The following MORC1 variants were observed in gnomAD, a reference collection of about 807,000 sequenced individuals.
MORC1 encodes MORC family CW-type zinc finger protein 1.
MORC1 carries 59 observed loss-of-function variants against 134.9 expected under a neutral mutation model. That is an observed-to-expected ratio of 0.44 (90% CI 0.35 to 0.54). The LOEUF is 0.54. Among genes scored for constraint, MORC1 ranks in the 20% least tolerant of loss-of-function variants. The pLI is 0.00. For synonymous variants in MORC1, 395 were observed against 391.7 expected (o/e 1.01, Z -0.10); for missense variants, 947 against 1,134.5 (o/e 0.83, Z 2.37).
At chr3:108,987,313 C>T (rs762010094) in intron 21 of MORC1, among the ~76,000 whole-genome samples, 4 of 152,180 alleles carry the variant, frequency 2.6e-5, no homozygotes, top group South Asian at 2.1e-4. Context: ...GAGCCTCTAT[C>T]GTTTTGAGGA....
At chr3:108,965,906 G>A in intron 26 of MORC1, among the ~76,000 whole-genome samples, 1 of 152,118 alleles carries the variant, frequency 6.6e-6, no homozygotes, top group East Asian at 1.9e-4. Flanking sequence ...TTCAGTCTCT[G>A]AAAGTTTACC....
intron 21 of MORC1, among the ~76,000 whole-genome samples, chr3:108,994,094 G>GTAAA (rs1576607927): frequency 6.6e-6 from 1 of 152,074 alleles, no homozygotes; most frequent in African/African-American, 2.4e-5. Flanking sequence ...GGTACAACTG[G>GTAAA]TAAATGACTT....
At chr3:109,066,770 C>T (rs1182556235) in intron 9 of MORC1, among the ~76,000 whole-genome samples, 1 of 152,156 alleles carries the variant, frequency 6.6e-6, no homozygotes, top group Non-Finnish European at 1.5e-5. Flanking sequence ...TTTTAGCCCT[C>T]ATAATAACCT....
intron 8 of MORC1, among the ~76,000 whole-genome samples, chr3:109,084,936 A>G (rs1053057554): frequency 2.0e-5 from 3 of 152,134 alleles, no homozygotes; most frequent in African/African-American, 7.2e-5. Context: ...GGAAAATTGA[A>G]TATACATATG....
At chr3:108,981,864 A>G (rs967211934) in intron 23 of MORC1, among the ~76,000 whole-genome samples, 5 of 152,240 alleles carry the variant, frequency 3.3e-5, no homozygotes, top group Admixed American at 3.3e-4. Flanking sequence ...TTCATGACTA[A>G]AACACCAAAA....
intron 8 of MORC1, among the ~76,000 whole-genome samples, chr3:109,071,575 A>C (rs1950317242): frequency 6.6e-6 from 1 of 152,184 alleles, no homozygotes; most frequent in East Asian, 1.9e-4. Flanking sequence ...CAAGGGAAAA[A>C]AAATAGGTGG....
At chr3:109,111,355 G>A (rs1951166421) in intron 2 of MORC1, among the ~76,000 whole-genome samples, 1 of 152,128 alleles carries the variant, frequency 6.6e-6, no homozygotes, top group Non-Finnish European at 1.5e-5. Context: ...GGTTGCCTCA[G>A]CACTACAGTG....
chr3:109,108,054 G>A (rs1348582185), intron 3 of MORC1, among the ~76,000 whole-genome samples: 6 of 152,080 alleles, frequency 3.9e-5, no homozygotes, highest in South Asian at 4.2e-4. Flanking sequence ...AAACTTAGCC[G>A]GGTGTGTGCC....
chr3:108,989,516 TA>T (rs1362061893), intron 21 of MORC1, among the ~76,000 whole-genome samples: 4 of 152,246 alleles, frequency 2.6e-5, no homozygotes, highest in East Asian at 3.9e-4. Flanking sequence ...AAATAAATCA[TA>T]AATAAGTCAG....
intron 14 of MORC1, among the ~76,000 whole-genome samples, chr3:109,054,449 A>G (rs887628088): frequency 1.3e-5 from 2 of 152,108 alleles, no homozygotes; most frequent in African/African-American, 4.8e-5. Context: ...GTCTATTTGG[A>G]GCAATCTTCT....
intron 16 of MORC1, among the ~76,000 whole-genome samples, chr3:109,030,951 CAAAT>C (rs1452431000): frequency 6.6e-6 from 1 of 152,132 alleles, no homozygotes; most frequent in Non-Finnish European, 1.5e-5. Flanking sequence ...CATATACTCA[CAAAT>C]ATATATACAT....
At chr3:109,110,651 C>A (rs1317242343) in intron 3 of MORC1, 98 bp downstream of exon 3, 5 of 1,038,690 alleles carry the variant, frequency 4.8e-6, no homozygotes, top group Admixed American at 2.9e-5. Flanking sequence ...CATTAAAATT[C>A]TATAGAATGT....
intron 16 of MORC1, among the ~76,000 whole-genome samples, chr3:109,028,376 T>C (rs1051198742): frequency 6.6e-6 from 1 of 152,174 alleles, no homozygotes; most frequent in Non-Finnish European, 1.5e-5. Context: ...TGATGTAGGA[T>C]TCAGCAATAG....
chr3:109,105,313 G>A (rs970992023), intron 3 of MORC1, among the ~76,000 whole-genome samples: 5 of 152,078 alleles, frequency 3.3e-5, no homozygotes, highest in Admixed American at 6.6e-5. Flanking sequence ...TCACGAGGTC[G>A]AGAGATTGAG....
At chr3:109,011,826 T>C (rs1948693437) in intron 17 of MORC1, among the ~76,000 whole-genome samples, 1 of 152,188 alleles carries the variant, frequency 6.6e-6, no homozygotes. Context: ...CAGCCGAGTT[T>C]TAAAAGTTCT....
chr3:109,084,751 C>T (rs145114130), intron 8 of MORC1, among the ~76,000 whole-genome samples: 2 of 152,022 alleles, frequency 1.3e-5, no homozygotes, highest in South Asian at 2.1e-4. Context: ...AAATACACTA[C>T]GAAATTATAG....
At chr3:109,018,203 C>A (rs1284206058) in intron 17 of MORC1, among the ~76,000 whole-genome samples, 1 of 151,976 alleles carries the variant, frequency 6.6e-6, no homozygotes, top group Non-Finnish European at 1.5e-5. Flanking sequence ...TCTATCAATT[C>A]TTTGTGGGAC....
At chr3:109,083,335 T>C (rs1425135950) in intron 8 of MORC1, among the ~76,000 whole-genome samples, 1 of 147,902 alleles carries the variant, frequency 6.8e-6, no homozygotes, top group Non-Finnish European at 1.5e-5. Flanking sequence ...CTTTTCGAGA[T>C]ACAAGATCCA....
chr3:109,037,303 G>A (rs1559910127), intron 14 of MORC1, among the ~76,000 whole-genome samples: 4 of 152,152 alleles, frequency 2.6e-5, no homozygotes, highest in South Asian at 4.1e-4. Context: ...TGAGGGTAGC[G>A]TCACATGGAC....
Sources: allele counts gnomAD v4.1 joint callset (sites outside exome capture counted in the v4.1 genomes callset), GRCh38; gene constraint gnomAD v4.1.1; transcripts MANE v1.5; gene names NCBI Gene and HGNC (gene_info 2026-07-23, HGNC 2026-07-21).